PPP4R4: variants seen among roughly 807,000 people sequenced by gnomAD.
The protein encoded by PPP4R4 is serine/threonine-protein phosphatase 4 regulatory subunit 4.
PPP4R4 carries 70 observed loss-of-function variants against 121.8 expected under a neutral mutation model. The observed-to-expected ratio is 0.57, with a 90% CI of 0.47 to 0.70. PPP4R4 has a LOEUF of 0.70. PPP4R4 is among the 30% of genes least tolerant of loss of function. PPP4R4 has a pLI of 0.00. For synonymous variants in PPP4R4, 348 were observed against 355.7 expected, an observed-to-expected ratio of 0.98 and a Z score of 0.24; for missense variants, 875 against 1,033.6, an observed-to-expected ratio of 0.85 and a Z score of 2.10.
At chr14:94,188,191 T>C (rs191804844) in intron 2 of PPP4R4, among the ~76,000 whole-genome samples, 14 of 152,284 alleles carry the variant, frequency 9.2e-5, no homozygotes, top group Non-Finnish European at 1.6e-4. Context: ...TCTATTGATA[T>C]GGTATATGGC....
At chr14:94,272,339 C>T (rs1026811000) in intron 23 of PPP4R4, among the ~76,000 whole-genome samples, 1 of 152,022 alleles carries the variant, frequency 6.6e-6, no homozygotes, top group African/African-American at 2.4e-5. Context: ...AATAGGAAGC[C>T]CAGAAATAGA....
intron 3 of PPP4R4, among the ~76,000 whole-genome samples, chr14:94,225,735 G>A (rs1296948979): frequency 2.6e-5 from 4 of 152,116 alleles, no homozygotes; most frequent in Admixed American, 6.5e-5. Flanking sequence ...CCCAGAATAC[G>A]TAGTATGATG....
chr14:94,213,396 A>C (rs898497835), intron 3 of PPP4R4, among the ~76,000 whole-genome samples: 1 of 152,208 alleles, frequency 6.6e-6, no homozygotes, highest in East Asian at 1.9e-4. Context: ...AGCATCAATC[A>C]TATCTTGTCT....
chr14:94,249,049 A>T (rs1893043498), intron 14 of PPP4R4, among the ~76,000 whole-genome samples: 1 of 152,034 alleles, frequency 6.6e-6, no homozygotes, highest in Admixed American at 6.6e-5. Flanking sequence ...TTCTGGCCCA[A>T]AAGAATACCT....
chr14:94,216,352 A>G (rs981385538), intron 3 of PPP4R4, among the ~76,000 whole-genome samples: 1 of 152,260 alleles, frequency 6.6e-6, no homozygotes, highest in African/African-American at 2.4e-5. Flanking sequence ...ACACAGGAAC[A>G]TTGACTTGGC....
chr14:94,236,058 C>T (rs1218856733), intron 7 of PPP4R4, among the ~76,000 whole-genome samples: 1 of 152,088 alleles, frequency 6.6e-6, no homozygotes, highest in Non-Finnish European at 1.5e-5. Flanking sequence ...TAGAGTGTCA[C>T]ACAGGGTATG....
At chr14:94,256,847 C>A (rs906674415) in intron 17 of PPP4R4, among the ~76,000 whole-genome samples, 2 of 152,090 alleles carry the variant, frequency 1.3e-5, no homozygotes, top group African/African-American at 2.4e-5. Flanking sequence ...GAGTTTGACA[C>A]ATGTTAGGTG....
intron 24 of PPP4R4, among the ~76,000 whole-genome samples, chr14:94,275,937 T>A (rs1399264520): frequency 1.3e-5 from 2 of 152,208 alleles, no homozygotes; most frequent in African/African-American, 4.8e-5. Context: ...GAACCCAGAA[T>A]TGTGAGTCCA....
chr14:94,202,981 CAA>C (rs34939190), intron 2 of PPP4R4, among the ~76,000 whole-genome samples: 1 of 143,532 alleles, frequency 7.0e-6, no homozygotes, highest in African/African-American at 2.6e-5. Context: ...GACTCCATCT[CAA>C]AAAAAAAAAA....
chr14:94,246,601 A>G (rs1892907642), intron 14 of PPP4R4, 62 bp downstream of exon 14: 3 of 1,461,010 alleles, frequency 2.1e-6, no homozygotes, highest in African/African-American at 1.4e-5. Flanking sequence ...AATTACCAAA[A>G]CTCTTCATAT....
At chr14:94,220,966 A>G (rs1891353811) in intron 3 of PPP4R4, among the ~76,000 whole-genome samples, 1 of 152,172 alleles carries the variant, frequency 6.6e-6, no homozygotes. Flanking sequence ...AAATTGGAGG[A>G]CTTGCATTAC....
chr14:94,260,397 G>T (rs1893719778), intron 19 of PPP4R4, among the ~76,000 whole-genome samples: 1 of 152,134 alleles, frequency 6.6e-6, no homozygotes, highest in African/African-American at 2.4e-5. Context: ...CTGCACACCA[G>T]CCTGGGTGAC....
chr14:94,266,026 T>C (rs1039011866), intron 22 of PPP4R4, 139 bp downstream of exon 22: 2 of 553,810 alleles, frequency 3.6e-6, no homozygotes, highest in South Asian at 3.6e-5. Flanking sequence ...AGTGTTCTTC[T>C]GTAGGGATTG....
At chr14:94,268,323 T>C (rs946934681) in intron 23 of PPP4R4, among the ~76,000 whole-genome samples, 1 of 152,232 alleles carries the variant, frequency 6.6e-6, no homozygotes, top group Non-Finnish European at 1.5e-5. Context: ...TTAGCTGTAA[T>C]GAGCATGTTT....
intron 2 of PPP4R4, among the ~76,000 whole-genome samples, chr14:94,206,455 T>G (rs1472643853): frequency 1.3e-5 from 2 of 152,062 alleles, no homozygotes; most frequent in Non-Finnish European, 2.9e-5. Flanking sequence ...ACCACTTATA[T>G]TTAATGTAAT....
intron 2 of PPP4R4, among the ~76,000 whole-genome samples, chr14:94,205,903 C>A (rs544439487): frequency 6.6e-6 from 1 of 151,776 alleles, no homozygotes; most frequent in African/African-American, 2.4e-5. Flanking sequence ...TGTGGTCTGT[C>A]TTGATATATA....
chr14:94,226,907 A>G (rs1437733477), intron 3 of PPP4R4, among the ~76,000 whole-genome samples: 2 of 152,176 alleles, frequency 1.3e-5, no homozygotes, highest in African/African-American at 2.4e-5. Flanking sequence ...GAGTAAGCCA[A>G]TGATTTATTT....
intron 3 of PPP4R4, among the ~76,000 whole-genome samples, chr14:94,211,868 C>T (rs1890761819): frequency 6.6e-6 from 1 of 152,152 alleles, no homozygotes; most frequent in South Asian, 2.1e-4. Context: ...GAGATGACTT[C>T]CAGATTTCTG....
chr14:94,261,921 C>A (rs985896214), intron 19 of PPP4R4, among the ~76,000 whole-genome samples: 6 of 151,916 alleles, frequency 3.9e-5, no homozygotes, highest in Admixed American at 6.6e-5. Flanking sequence ...TGTCCTTTTT[C>A]TCCATTGGAT....
Sources: allele counts gnomAD v4.1 joint callset (sites outside exome capture counted in the v4.1 genomes callset), GRCh38; gene constraint gnomAD v4.1.1; transcripts MANE v1.5; gene names NCBI Gene and HGNC (gene_info 2026-07-23, HGNC 2026-07-21).